Variants in ATP6V1H observed in about 807,000 individuals in gnomAD.
ATP6V1H encodes the protein ATPase H+ transporting V1 subunit H.
ATP6V1H carries 39 observed loss-of-function variants against 71.7 expected under a neutral mutation model. The observed-to-expected ratio is 0.54, with a 90% confidence interval of 0.42 to 0.71. The LOEUF is 0.71. Among genes scored for constraint, ATP6V1H ranks in the 30% least tolerant of loss-of-function variants. The pLI is 0.00. For synonymous variants in ATP6V1H, 192 were observed against 199.3 expected (o/e 0.96, Z 0.31); for missense variants, 509 against 594.9 (o/e 0.86, Z 1.50).
In ATP6V1H at chr8:53,773,203, C is replaced by T. The variant is rs139852054; in HGVS notation, c.871-1036G>A. The stretch of plus-strand genomic sequence containing the variant: ...TATTTGTGAACCTAATATTCCTACT[C>T]AGTGCTTACATCTATAGATATCAGA... On this transcript the variant is annotated intron_variant, in intron 9 of 13. Coordinates refer to ENST00000359530, the MANE Select transcript of ATP6V1H (RefSeq NM_015941.4). Among the ~76,000 whole-genome samples the T allele has an allele frequency of 4.1e-3, 629 of 152,320 alleles. 4 individuals carry two copies. Among genetic ancestry groups the T allele is most frequent in the Non-Finnish European group, 7.4e-3 (503 of 68,024 alleles).
rs140259409 is a variant in ATP6V1H at position 53,736,327 on chromosome 8, G to A, written c.1391+7250C>T. ...TCCTCCCTTAGCCGAAAACATTGCCGGCAGCCTAGGCCATGTTATGTTTGT... is the reference window on the plus strand; with the variant it reads ...TCCTCCCTTAGCCGAAAACATTGCCAGCAGCCTAGGCCATGTTATGTTTGT... On this transcript the variant is annotated intron_variant, in intron 13 of 13. Coordinates refer to ENST00000359530, the MANE Select transcript of ATP6V1H (RefSeq NM_015941.4). 1.4e-3 allele frequency among the ~76,000 whole-genome samples: 216 copies of A among 152,182 alleles called. 1 individual carries two copies. The highest frequency in any genetic ancestry group is 4.9e-3 in the African/African-American group (202 of 41,500).
chr8:53,761,103 G>A (rs578108479), intron 11 of ATP6V1H, among the ~76,000 whole-genome samples: 8 of 152,234 alleles, frequency 5.3e-5, no homozygotes, highest in East Asian at 1.9e-4. Flanking sequence ...TTGGGAGGCC[G>A]AGGTGGGCAG....
At chr8:53,718,364 G>A (rs1292154458) in intron 13 of ATP6V1H, among the ~76,000 whole-genome samples, 1 of 150,412 alleles carries the variant, frequency 6.6e-6, no homozygotes, top group Non-Finnish European at 1.5e-5. Context: ...TAAATTACAG[G>A]TAACATCCTC....
At chr8:53,784,558 G>A (rs989813577) in intron 9 of ATP6V1H, among the ~76,000 whole-genome samples, 2 of 152,196 alleles carry the variant, frequency 1.3e-5, no homozygotes, top group African/African-American at 4.8e-5. Flanking sequence ...ATATTGTTAT[G>A]TGTGAATTTG....
intron 8 of ATP6V1H, among the ~76,000 whole-genome samples, chr8:53,801,441 T>C (rs770836772): frequency 1.6e-4 from 24 of 152,200 alleles, no homozygotes; most frequent in Non-Finnish European, 2.8e-4. Flanking sequence ...CTAAATTATA[T>C]GGCATTAGAA....
intron 10 of ATP6V1H, among the ~76,000 whole-genome samples, chr8:53,770,666 C>A (rs926371130): frequency 6.6e-6 from 1 of 152,146 alleles, no homozygotes; most frequent in African/African-American, 2.4e-5. Context: ...TTTAGCTGCA[C>A]CCATCACCCT....
At chr8:53,723,390 C>T (rs550521573) in intron 13 of ATP6V1H, among the ~76,000 whole-genome samples, 12 of 152,274 alleles carry the variant, frequency 7.9e-5, no homozygotes, top group African/African-American at 2.9e-4. Flanking sequence ...CTGCAGCCTC[C>T]TTACTGGTCT....
At chr8:53,741,209 T>C (rs1170027256) in intron 13 of ATP6V1H, among the ~76,000 whole-genome samples, 1 of 152,050 alleles carries the variant, frequency 6.6e-6, no homozygotes, top group Non-Finnish European at 1.5e-5. Context: ...AAGAAAAAAG[T>C]CAAATTTAAA....
chr8:53,812,217 CT>C (rs1810297626), intron 6 of ATP6V1H, among the ~76,000 whole-genome samples: 2 of 152,098 alleles, frequency 1.3e-5, no homozygotes, highest in Admixed American at 6.6e-5. Flanking sequence ...CAAGGCCAGG[CT>C]AAGCCTGGGT....
At chr8:53,750,480 A>T (rs1238331615) in intron 12 of ATP6V1H, among the ~76,000 whole-genome samples, 1 of 152,212 alleles carries the variant, frequency 6.6e-6, no homozygotes, top group African/African-American at 2.4e-5. Flanking sequence ...TAAAACAAGC[A>T]AAGGACATTA....
intron 13 of ATP6V1H, among the ~76,000 whole-genome samples, chr8:53,742,448 G>A (rs1177106090): frequency 1.3e-5 from 2 of 152,134 alleles, no homozygotes; most frequent in African/African-American, 2.4e-5. Context: ...AGAGCTGTAT[G>A]GCTGGTTACT....
chr8:53,808,726 G>C (rs1369522819), intron 7 of ATP6V1H, among the ~76,000 whole-genome samples: 1 of 151,890 alleles, frequency 6.6e-6, no homozygotes, highest in Non-Finnish European at 1.5e-5. Context: ...GCTTCAGCCT[G>C]GGAGGCAGAA....
intron 9 of ATP6V1H, among the ~76,000 whole-genome samples, chr8:53,783,135 A>G (rs963038969): frequency 8.6e-5 from 13 of 151,858 alleles, no homozygotes; most frequent in Non-Finnish European, 1.8e-4. Flanking sequence ...TCCTCCTTGT[A>G]CCTCTGGTAG....
chr8:53,816,744 C>G (rs1049223039), intron 5 of ATP6V1H, among the ~76,000 whole-genome samples: 3 of 151,874 alleles, frequency 2.0e-5, no homozygotes, highest in Non-Finnish European at 2.9e-5. Context: ...TGCAGCAAGC[C>G]GAGATCGCAC....
At chr8:53,720,220 C>A (rs1806567767) in intron 13 of ATP6V1H, among the ~76,000 whole-genome samples, 1 of 152,146 alleles carries the variant, frequency 6.6e-6, no homozygotes, top group South Asian at 2.1e-4. Context: ...TTTTTCTTCT[C>A]TTTAACTTCA....
chr8:53,781,163 T>G (rs1488817576), intron 9 of ATP6V1H, among the ~76,000 whole-genome samples: 4 of 152,204 alleles, frequency 2.6e-5, no homozygotes, highest in Non-Finnish European at 5.9e-5. Flanking sequence ...ACCAACAGTG[T>G]AAAAGTGTTC....
chr8:53,806,945 G>C (rs1223966113), intron 7 of ATP6V1H: 1 of 433,162 alleles, frequency 2.3e-6, no homozygotes, highest in African/African-American at 2.0e-5. Flanking sequence ...CTGTAAAGTT[G>C]AAAAATCATA....
chr8:53,721,573 G>C (rs1051045951), intron 13 of ATP6V1H, among the ~76,000 whole-genome samples: 1 of 152,130 alleles, frequency 6.6e-6, no homozygotes, highest in South Asian at 2.1e-4. Context: ...CCAATTTATA[G>C]ATACGTAACT....
At chr8:53,802,152 A>G (rs75429755) in intron 7 of ATP6V1H, among the ~76,000 whole-genome samples, 1,754 of 152,332 alleles carry the variant, frequency 0.012, 40 homozygotes, top group African/African-American at 0.041. Flanking sequence ...CCGGAACAAA[A>G]TAATTTATAT....
Sources: gnomAD v4.1 joint callset for allele counts (sites outside exome capture counted in the v4.1 genomes callset) on GRCh38, gnomAD v4.1.1 for gene constraint, MANE v1.5 for transcripts, NCBI Gene and HGNC (gene_info 2026-07-23, HGNC 2026-07-21) for gene names.